ZFP1: variants seen among roughly 807,000 people sequenced by gnomAD.
ZFP1 encodes ZFP1 zinc finger protein, also known as zinc finger protein 1 homolog.
Under a neutral mutation model 38.5 loss-of-function variants are expected in ZFP1, and 32 were observed. That is an observed-to-expected ratio of 0.83 (90% CI 0.63 to 1.12). ZFP1 has a LOEUF of 1.12. Among genes scored for constraint, ZFP1 ranks in the 50% most tolerant of loss-of-function variants. The pLI is 0.00. For missense variants in ZFP1, 616 were observed against 480.8 expected (o/e 1.28, Z -2.63); for synonymous variants, 245 against 168.8 (o/e 1.45, Z -3.50).
intron 2 of ZFP1, among the ~76,000 whole-genome samples, chr16:75,156,680 G>C (rs953266256): frequency 1.1e-4 from 17 of 151,992 alleles, no homozygotes; most frequent in African/African-American, 3.9e-4. Context: ...TTGAATTTTT[G>C]GTACGAATAT....
At chr16:75,135,086 T>G in the ZFP1 span, among the ~76,000 whole-genome samples, 1 of 150,676 alleles carries the variant, frequency 6.6e-6, no homozygotes, top group African/African-American at 2.4e-5. Context: ...AGCTGGTGCC[T>G]GTAATCCCAG....
the ZFP1 span, among the ~76,000 whole-genome samples, chr16:75,138,997 T>A: frequency 6.6e-6 from 1 of 152,094 alleles, no homozygotes; most frequent in East Asian, 1.9e-4. Flanking sequence ...CACAACTCCA[T>A]TCTAATCATG....
intron 3 of ZFP1, among the ~76,000 whole-genome samples, chr16:75,167,228 G>C (rs1024750530): frequency 2.0e-5 from 3 of 152,216 alleles, no homozygotes; most frequent in African/African-American, 7.2e-5. Flanking sequence ...GGGAGAAGCA[G>C]AAGCCAGTGG....
At chr16:75,157,428 G>A (rs1159386802) in intron 2 of ZFP1, among the ~76,000 whole-genome samples, 1 of 151,840 alleles carries the variant, frequency 6.6e-6, no homozygotes, top group Non-Finnish European at 1.5e-5. Flanking sequence ...ATTTTTAGTA[G>A]AGACGGGATT....
At chr16:75,123,603 A>T in the ZFP1 span, among the ~76,000 whole-genome samples, 4,963 of 149,330 alleles carry the variant, frequency 0.033, 251 homozygotes, top group African/African-American at 0.12. Flanking sequence ...TCAGCCTCCC[A>T]AGTAGCTGGG....
intron 2 of ZFP1, among the ~76,000 whole-genome samples, chr16:75,158,054 C>G (rs572889159): frequency 6.6e-6 from 1 of 151,910 alleles, no homozygotes; most frequent in Non-Finnish European, 1.5e-5. Flanking sequence ...TCCCAAAGTT[C>G]TGGGATTACA....
chr16:75,138,219 T>C, the ZFP1 span, among the ~76,000 whole-genome samples: 48,245 of 151,580 alleles, frequency 0.32, 7,875 homozygotes, highest in Non-Finnish European at 0.34. Flanking sequence ...GTATTCTTAG[T>C]AGAGATGGGG....
At chr16:75,168,156 C>G (rs1161198674) in intron 3 of ZFP1, among the ~76,000 whole-genome samples, 1 of 152,138 alleles carries the variant, frequency 6.6e-6, no homozygotes. Context: ...TGTGCCTGGC[C>G]AGATGATTTT....
At chr16:75,133,756 T>G in the ZFP1 span, among the ~76,000 whole-genome samples, 6 of 152,218 alleles carry the variant, frequency 3.9e-5, no homozygotes, top group Non-Finnish European at 8.8e-5. Flanking sequence ...TAGAATAAGT[T>G]TTAGATCTTC....
At chr16:75,164,545 C>T (rs1248987279) in intron 2 of ZFP1, among the ~76,000 whole-genome samples, 5 of 152,022 alleles carry the variant, frequency 3.3e-5, no homozygotes, top group Non-Finnish European at 7.4e-5. Flanking sequence ...TCTTGCTGGG[C>T]TTAATTTTGG....
At chr16:75,142,011 G>A in the ZFP1 span, among the ~76,000 whole-genome samples, 18 of 146,888 alleles carry the variant, frequency 1.2e-4, no homozygotes, top group African/African-American at 3.3e-4. Context: ...CCGAGATCGC[G>A]CCACTGCACT....
At position 75,167,171 on chromosome 16, in the gene ZFP1, T is replaced by C. The variant is rs574590726; in HGVS notation, c.142+275T>C. On this transcript the variant is annotated intron_variant, in intron 3 of 3. Transcript: ENST00000570010. ...GCAACCAGAAGAGTTTTGGGTAGCA[T>C]AGAGTTGTCAATTCAGAACATTCTA... 1.3e-4 allele frequency among the ~76,000 whole-genome samples: 20 copies of C among 152,330 alleles called. 1 individual carries two copies. The South Asian group carries it at 3.5e-3, about 27-fold the overall frequency.
At chr16:75,163,511 C>T (rs1747252010) in intron 2 of ZFP1, among the ~76,000 whole-genome samples, 1 of 151,862 alleles carries the variant, frequency 6.6e-6, no homozygotes, top group Non-Finnish European at 1.5e-5. Context: ...GGGGTTTCAC[C>T]ATGTTGTCCA....
upstream of ZFP1, among the ~76,000 whole-genome samples, chr16:75,147,320 C>A (rs2145481540): frequency 6.6e-6 from 1 of 152,262 alleles, no homozygotes; most frequent in East Asian, 1.9e-4. Context: ...CAGGGTCACC[C>A]AAGCTGGAGT....
At chr16:75,143,163 A>T in the ZFP1 span, among the ~76,000 whole-genome samples, 1 of 152,234 alleles carries the variant, frequency 6.6e-6, no homozygotes, top group South Asian at 2.1e-4. Flanking sequence ...AAATAAAAAA[A>T]AAGATATAGA....
At chr16:75,119,564 G>A in the ZFP1 span, 63 of 152,250 alleles carry the variant, frequency 4.1e-4, no homozygotes, top group African/African-American at 1.4e-3. Context: ...GCAGTCTTCA[G>A]CCTGAAACCC....
intron 2 of ZFP1, among the ~76,000 whole-genome samples, chr16:75,163,360 A>AGTAGT (rs1178305762): frequency 6.6e-6 from 1 of 151,700 alleles, no homozygotes; most frequent in Non-Finnish European, 1.5e-5. Flanking sequence ...GCTAGAGTGT[A>AGTAGT]GTAGTGTAGT....
At chr16:75,137,458 A>ATAC in the ZFP1 span, among the ~76,000 whole-genome samples, 3 of 34,828 alleles carry the variant, frequency 8.6e-5, no homozygotes, top group African/African-American at 3.0e-4. Flanking sequence ...TACAAAAAAA[A>ATAC]TTCTTTTTTT....
upstream of ZFP1, among the ~76,000 whole-genome samples, chr16:75,145,639 A>C (rs2036934998): frequency 1.3e-5 from 2 of 152,130 alleles, no homozygotes; most frequent in Non-Finnish European, 2.9e-5. Flanking sequence ...AAAAGAGAAG[A>C]AGCAATTGAG....
Sources: allele counts gnomAD v4.1 joint callset (sites outside exome capture counted in the v4.1 genomes callset), GRCh38; gene constraint gnomAD v4.1.1; transcripts MANE v1.5; gene names NCBI Gene and HGNC (gene_info 2026-07-23, HGNC 2026-07-21).